Variants in CD4 observed in about 807,000 individuals in gnomAD.
The protein encoded by CD4 is CD4 molecule.
In CD4, 25 loss-of-function variants were observed where a neutral mutation model predicts 50.5. The ratio of observed to expected loss-of-function variants is 0.49; its 90% confidence interval spans 0.36 to 0.69. The LOEUF is 0.69. CD4 is among the 30% of genes least tolerant of loss of function. The pLI is 0.00. For missense variants in CD4, 456 were observed against 548.5 expected (o/e 0.83, Z 1.68); for synonymous variants, 207 against 221.9 (o/e 0.93, Z 0.60).
At chr12:6,793,677 TATCTATCTATCTATCTATCTATCTA>T (rs1189797105) in intron 1 of CD4, among the ~76,000 whole-genome samples, 23 of 96,424 alleles carry the variant, frequency 2.4e-4, no homozygotes, top group African/African-American at 1.0e-3. Flanking sequence ...TCTATCTATC[TATCTATCTATCTATCTATCTATCTA>T]TCTTTTTTTT....
chr12:6,808,015 G>A (rs1942817567), intron 3 of CD4, among the ~76,000 whole-genome samples: 1 of 148,630 alleles, frequency 6.7e-6, no homozygotes, highest in Admixed American at 6.8e-5. Context: ...GGGAGGTGGA[G>A]GTTGCAGTGA....
In CD4 at chr12:6,819,767, G is replaced by C; in HGVS notation, c.*438G>C. The stretch of plus-strand genomic sequence containing the variant: ...TGCACAAAATCACACAGCCAAGCCA[G>C]TCAAGGATGGATGCAGATCCAGAGG... On this transcript the variant is annotated 3_prime_UTR_variant, in exon 10 of 10. Transcript: ENST00000011653. 5.4e-6 allele frequency: 1 copy of C among 183,552 alleles called. No individual in the cohort carries two copies. The highest frequency in any genetic ancestry group is 5.7e-5 in the Admixed American group (1 of 17,474). 11.4% of individuals were successfully genotyped at this position (183,552 alleles called of 1,614,324 possible).
intron 1 of CD4, among the ~76,000 whole-genome samples, chr12:6,797,799 G>A (rs1942416104): frequency 1.3e-5 from 2 of 152,250 alleles, no homozygotes; most frequent in East Asian, 1.9e-4. Context: ...ATGATGTCTC[G>A]CCTCCAGACA....
rs1555118433 is a variant in CD4, at chr12:6,818,387, G to A, written c.1157-34G>A. 1 of 1,609,754 alleles carries A rather than the reference G, an allele frequency of 6.2e-7. No homozygotes were observed. The highest frequency in any genetic ancestry group is 8.5e-7 in the Non-Finnish European group (1 of 1,179,790). ...CTCAGTCCCCTGGCCCGTGGAGGAG[G>A]GCGGTGCATTGAGCACATTTCTCTC... is the stretch of plus-strand genomic sequence containing the variant. On this transcript the variant is annotated intron_variant, in intron 7 of 9. Coordinates refer to ENST00000011653, the MANE Select transcript of CD4 (RefSeq NM_000616.5). The surrounding 1 kb of genome is among the most constrained non-coding windows in gnomAD (Gnocchi z 5.0).
At chr12:6,817,710 T>A (rs1943119115) in intron 7 of CD4, among the ~76,000 whole-genome samples, 2 of 146,214 alleles carry the variant, frequency 1.4e-5, no homozygotes, top group African/African-American at 5.1e-5. Flanking sequence ...TCCCATACAC[T>A]CTCACACACG....
rs199744985 is a variant in CD4 at position 6,800,307 on chromosome 12, C to T, written c.50C>T (p.Ala17Val). 3.6e-5 allele frequency: 58 copies of T among 1,613,622 alleles called. No homozygotes were observed. The Middle Eastern group carries it at 4.9e-4, about 14-fold the overall frequency. Reference protein sequence around the residue: ...FRHLLLVLQLALLPAATQGKK... With the variant: ...FRHLLLVLQLVLLPAATQGKK... ...CCTGACTCCTTTCTTTTCCACTTAG[C>T]GCTCCTCCCAGCAGCCACTCAGGGA... The change falls in exon 3 of 10, where the codon GCG (alanine) becomes GTG (valine). Residue 17 changes from alanine (A) to valine (V), a missense_variant and splice_region_variant. Transcript: ENST00000011653.
chr12:6,812,909 C>A lies in CD4; in HGVS notation c.215-1233C>A, dbSNP rs7133180. Among the ~76,000 whole-genome samples the A allele has an allele frequency of 5.7e-3, 868 of 151,540 alleles. 8 individuals are homozygous for A. The highest frequency in any genetic ancestry group is 0.02 in the African/African-American group (830 of 41,098). On this transcript the variant is annotated intron_variant, in intron 3 of 9. Transcript: ENST00000011653. ...TCAAGCGATCTTGTGCCTCAGCCTC[C>A]CAGTTTTTTTTTCTTTTAAATGGGG...
chr12:6,817,414 T>C, intron 7 of CD4, 84 bp downstream of exon 7: 1 of 1,189,428 alleles, frequency 8.4e-7, no homozygotes. Flanking sequence ...AGTCCCGGCC[T>C]CCCAATGCCT....
chr12:6,798,171 T>TC (rs1942427709), intron 1 of CD4, among the ~76,000 whole-genome samples: 1 of 150,732 alleles, frequency 6.6e-6, no homozygotes, highest in African/African-American at 2.4e-5. Flanking sequence ...CAAGAACTTT[T>TC]CTTTTTTTTT....
chr12:6,802,463 C>G (rs1239963691), intron 3 of CD4, among the ~76,000 whole-genome samples: 2 of 151,988 alleles, frequency 1.3e-5, no homozygotes, highest in Non-Finnish European at 2.9e-5. Context: ...TGCACGCCAC[C>G]ATGTTCACCT....
Position 6,818,390 on chromosome 12 carries a change from G to A in CD4, c.1157-31G>A, listed in dbSNP as rs201349561. On this transcript the variant is annotated intron_variant, in intron 7 of 9. Transcript: ENST00000011653. This position sits in a 1 kb window ranked among gnomAD's most constrained non-coding sequence, Gnocchi z 5.0. ...AGTCCCCTGGCCCGTGGAGGAGGGC[G>A]GTGCATTGAGCACATTTCTCTCCCT... The A allele has an allele frequency of 2.9e-5, 47 of 1,610,006 alleles. No individual in the cohort carries two copies. Among genetic ancestry groups the A allele is most frequent in the South Asian group, 1.2e-4 (11 of 91,024 alleles).
chr12:6,803,875 G>A (rs782119830), intron 3 of CD4, among the ~76,000 whole-genome samples: 6 of 151,816 alleles, frequency 4.0e-5, no homozygotes, highest in African/African-American at 1.4e-4. Flanking sequence ...ACTTTGGGAG[G>A]CCGAGGTGGA....
At chr12:6,805,762 A>G (rs782285471) in intron 3 of CD4, among the ~76,000 whole-genome samples, 2 of 152,132 alleles carry the variant, frequency 1.3e-5, no homozygotes, top group South Asian at 4.2e-4. Flanking sequence ...CTATAAAAAT[A>G]CCAGCAAGAT....
Position 6,818,756 on chromosome 12 carries a change from C to A in CD4, c.1279-91C>A. The A allele has an allele frequency of 7.8e-7, 1 of 1,275,946 alleles. No homozygotes were observed. Among genetic ancestry groups the A allele is most frequent in the Non-Finnish European group, 1.1e-6 (1 of 873,422 alleles). The allele number at this position is 1,275,946 out of a possible 1,614,324, so 79.0% of individuals were successfully genotyped here. A position where few individuals can be genotyped will look rare whatever the true frequency, so the allele number is the denominator to read the frequency against. On this transcript the variant is annotated intron_variant, in intron 8 of 9. Transcript: ENST00000011653. This position sits in a 1 kb window ranked among gnomAD's most constrained non-coding sequence, Gnocchi z 5.0. ...GGCCTGGGCCATGTAACTGCTTCTC[C>A]TGTCGCAGCTTCCCCCACTCCCCCC...
chr12:6,809,193 T>C (rs1591556265), intron 3 of CD4, among the ~76,000 whole-genome samples: 1 of 152,294 alleles, frequency 6.6e-6, no homozygotes, highest in East Asian at 1.9e-4. Context: ...GACCTTTCCT[T>C]GCTTTGAAAG....
intron 3 of CD4, among the ~76,000 whole-genome samples, chr12:6,809,961 CTCACTGCAACCTT>C (rs1244005449): frequency 6.7e-6 from 1 of 149,264 alleles, no homozygotes; most frequent in Non-Finnish European, 1.5e-5. Flanking sequence ...GCGATCTCGG[CTCACTGCAACCTT>C]TGTCTCCTGG....
chr12:6,818,106 A>G lies in CD4; in HGVS notation c.1157-315A>G, dbSNP rs782033819. Among the ~76,000 whole-genome samples the G allele has an allele frequency of 3.6e-5, 5 of 139,216 alleles. No individual in the cohort carries two copies. The highest frequency in any genetic ancestry group is 1.1e-4 in the African/African-American group (4 of 38,068). 91.3% of individuals were successfully genotyped at this position (139,216 alleles called of 152,430 possible). ...GACTCACACGCGCACACGCGCGCAC[A>G]CACACACATTCACACCATTCACACA... is the stretch of plus-strand genomic sequence containing the variant. On this transcript the variant is annotated intron_variant, in intron 7 of 9. Transcript: ENST00000011653. The surrounding 1 kb of genome is among the most constrained non-coding windows in gnomAD (Gnocchi z 5.0).
intron 3 of CD4, among the ~76,000 whole-genome samples, chr12:6,805,287 G>GTGCAGTGGCTCA (rs1469144491): frequency 6.6e-6 from 1 of 151,880 alleles, no homozygotes; most frequent in Non-Finnish European, 1.5e-5. Context: ...GTAGGGCCAG[G>GTGCAGTGGCTCA]TGCAGTGGCT....
intron 3 of CD4, among the ~76,000 whole-genome samples, chr12:6,806,466 G>A (rs903338280): frequency 3.9e-5 from 6 of 151,926 alleles, no homozygotes; most frequent in Admixed American, 6.6e-5. Flanking sequence ...GCAACAGAGC[G>A]AGACCCTATA....
Sources: gnomAD v4.1 joint callset for allele counts (sites outside exome capture counted in the v4.1 genomes callset) on GRCh38, gnomAD v4.1.1 for gene constraint, Gnocchi (gnomAD v3.1) non-coding constraint, MANE v1.5 for transcripts, NCBI Gene and HGNC (gene_info 2026-07-23, HGNC 2026-07-21) for gene names.